The following GRM8 variants were observed in gnomAD, a reference collection of about 807,000 sequenced individuals.
GRM8 encodes the protein metabotropic glutamate receptor 8.
A neutral mutation model predicts 87.2 loss-of-function variants in GRM8; 47 were observed. The observed-to-expected ratio is 0.54, with a 90% CI of 0.43 to 0.69. GRM8 has a LOEUF of 0.69. GRM8 is among the 30% of genes least tolerant of loss of function. The pLI, the probability that GRM8 is intolerant of heterozygous loss-of-function variation, is 0.00. For synonymous variants in GRM8, 396 were observed against 404.5 expected, an observed-to-expected ratio of 0.98 and a Z score of 0.25; for missense variants, 1,019 against 1,139.2, an observed-to-expected ratio of 0.89 and a Z score of 1.52.
chr7:126,999,784 G>C (rs919186900), intron 3 of GRM8, among the ~76,000 whole-genome samples: 5 of 151,752 alleles, frequency 3.3e-5, no homozygotes, highest in Non-Finnish European at 7.4e-5. Flanking sequence ...GTACACTGTC[G>C]GTGAGAATGT....
chr7:127,006,280 T>C (rs1814292622), intron 3 of GRM8, among the ~76,000 whole-genome samples: 2 of 150,814 alleles, frequency 1.3e-5, no homozygotes, highest in South Asian at 4.2e-4. Flanking sequence ...ACTGGAATTT[T>C]CCCCTCCTTT....
intron 7 of GRM8, among the ~76,000 whole-genome samples, chr7:126,613,288 T>A (rs1585223072): frequency 6.6e-6 from 1 of 152,232 alleles, no homozygotes; most frequent in African/African-American, 2.4e-5. Flanking sequence ...GTGGCGAATT[T>A]TTTTTTTGTC....
intron 3 of GRM8, among the ~76,000 whole-genome samples, chr7:127,064,821 C>G (rs760375482): frequency 7.9e-5 from 12 of 152,046 alleles, no homozygotes; most frequent in Admixed American, 3.9e-4. Context: ...AGTGAGATAC[C>G]ATCTCATACC....
chr7:126,760,654 T>C (rs948154848), intron 7 of GRM8, among the ~76,000 whole-genome samples: 2 of 152,186 alleles, frequency 1.3e-5, no homozygotes, highest in Non-Finnish European at 2.9e-5. Flanking sequence ...ATATTGATTA[T>C]ATAGCAATAA....
At chr7:126,488,312 T>C (rs1807605080) in intron 9 of GRM8, among the ~76,000 whole-genome samples, 1 of 151,880 alleles carries the variant, frequency 6.6e-6, no homozygotes, top group South Asian at 2.1e-4. Flanking sequence ...AGTGTAGATG[T>C]CAACTCAGTG....
At chr7:127,244,513 C>A (rs918221451) in intron 1 of GRM8, among the ~76,000 whole-genome samples, 2 of 152,150 alleles carry the variant, frequency 1.3e-5, no homozygotes, top group African/African-American at 4.8e-5. Flanking sequence ...CACAGGGAAT[C>A]TGAGATTTGT....
intron 7 of GRM8, among the ~76,000 whole-genome samples, chr7:126,722,908 A>ATATATATAATATGTTATATATATATAAT (rs1563124993): frequency 5.5e-5 from 8 of 144,990 alleles, no homozygotes; most frequent in Non-Finnish European, 9.0e-5. Context: ...ATATATAATT[A>ATATATATAATATGTTATATATATATAAT]TATATATAAT....
chr7:127,170,046 T>C (rs1793698546), intron 2 of GRM8, among the ~76,000 whole-genome samples: 2 of 152,230 alleles, frequency 1.3e-5, no homozygotes, highest in East Asian at 1.9e-4. Flanking sequence ...TCAAGTCTTA[T>C]TGTTAAGAAA....
chr7:127,116,579 T>C (rs1335505576), intron 2 of GRM8, among the ~76,000 whole-genome samples: 3 of 152,196 alleles, frequency 2.0e-5, no homozygotes, highest in Non-Finnish European at 4.4e-5. Flanking sequence ...CGCTAAGAGT[T>C]ACAGGGCCAC....
chr7:127,042,327 G>A (rs925616811), intron 3 of GRM8, among the ~76,000 whole-genome samples: 1 of 152,214 alleles, frequency 6.6e-6, no homozygotes, highest in African/African-American at 2.4e-5. Context: ...GAAAGGAAAT[G>A]GGTTATATAT....
At chr7:127,148,366 A>G (rs1828662425) in intron 2 of GRM8, among the ~76,000 whole-genome samples, 1 of 151,938 alleles carries the variant, frequency 6.6e-6, no homozygotes, top group Non-Finnish European at 1.5e-5. Context: ...TAGCAATACA[A>G]TGATCATAGG....
chr7:126,782,108 T>A (rs751247863), intron 6 of GRM8, among the ~76,000 whole-genome samples: 1 of 152,202 alleles, frequency 6.6e-6, no homozygotes, highest in Non-Finnish European at 1.5e-5. Context: ...AAAGAAAACA[T>A]GTAGAAATCA....
intron 7 of GRM8, among the ~76,000 whole-genome samples, chr7:126,760,691 C>T (rs573214727): frequency 3.7e-4 from 56 of 152,080 alleles, no homozygotes; most frequent in Admixed American, 3.0e-3. Context: ...TTACATATTT[C>T]CAAATTATTA....
intron 2 of GRM8, among the ~76,000 whole-genome samples, chr7:127,129,177 C>T (rs1445768113): frequency 2.6e-5 from 4 of 152,084 alleles, no homozygotes; most frequent in Non-Finnish European, 5.9e-5. Context: ...ACATTCATAT[C>T]CTAACATTTT....
chr7:126,692,475 G>C (rs1406671599), intron 7 of GRM8, among the ~76,000 whole-genome samples: 1 of 152,196 alleles, frequency 6.6e-6, no homozygotes, highest in Non-Finnish European at 1.5e-5. Context: ...ATTAGATGAT[G>C]TGTGTTAAAA....
chr7:127,111,952 C>T (rs777653803), intron 2 of GRM8, among the ~76,000 whole-genome samples: 6 of 151,728 alleles, frequency 4.0e-5, no homozygotes, highest in Non-Finnish European at 5.9e-5. Flanking sequence ...CACTTGAACC[C>T]GAGAGGCAGA....
chr7:126,761,128 G>T (rs1452006197), intron 7 of GRM8, among the ~76,000 whole-genome samples: 1 of 152,044 alleles, frequency 6.6e-6, no homozygotes, highest in Non-Finnish European at 1.5e-5. Context: ...AACTCAGGAG[G>T]CGGAGGTTGC....
chr7:126,492,813 C>T (rs576003850), intron 9 of GRM8, among the ~76,000 whole-genome samples: 53 of 151,952 alleles, frequency 3.5e-4, no homozygotes, highest in African/African-American at 1.3e-3. Context: ...ACCTCTTTTC[C>T]TTGGCAGAGG....
At chr7:126,867,715 G>A (rs1798725662) in intron 6 of GRM8, among the ~76,000 whole-genome samples, 2 of 152,136 alleles carry the variant, frequency 1.3e-5, no homozygotes, top group Admixed American at 6.5e-5. Flanking sequence ...GAAAGCCAGA[G>A]AAGAACAGAA....
Sources: allele counts gnomAD v4.1 joint callset (sites outside exome capture counted in the v4.1 genomes callset), GRCh38; gene constraint gnomAD v4.1.1; transcripts MANE v1.5; gene names NCBI Gene and HGNC (gene_info 2026-07-23, HGNC 2026-07-21).